Variants in SOCS4 observed in about 807,000 individuals in gnomAD.
The protein encoded by SOCS4 is SH2 domain containing SOCS box protein.
SOCS4 carries 20 observed loss-of-function variants against 34.1 expected under a neutral mutation model. The observed-to-expected ratio is 0.59, with a 90% CI of 0.41 to 0.85. The LOEUF is 0.85. Among genes scored for constraint, SOCS4 ranks in the 40% least tolerant of loss-of-function variants. SOCS4 has a pLI of 0.00. For missense variants in SOCS4, 479 were observed against 532.4 expected, an observed-to-expected ratio of 0.90 and a Z score of 0.99; for synonymous variants, 180 against 186.4, an observed-to-expected ratio of 0.97 and a Z score of 0.28.
At chr14:55,036,039 T>C (rs75495314) in intron 2 of SOCS4, among the ~76,000 whole-genome samples, 5,693 of 152,246 alleles carry the variant, frequency 0.037, 140 homozygotes, top group South Asian at 0.062. Context: ...ACTCAAACCA[T>C]GTTTCTAATG....
At chr14:55,036,296 A>G (rs1343108863) in intron 2 of SOCS4, among the ~76,000 whole-genome samples, 2 of 151,344 alleles carry the variant, frequency 1.3e-5, no homozygotes, top group Admixed American at 1.3e-4. Flanking sequence ...GTTGAGTGGG[A>G]TCTTTCAATA....
intron 2 of SOCS4, among the ~76,000 whole-genome samples, chr14:55,040,452 G>A (rs1051280815): frequency 1.3e-5 from 2 of 152,112 alleles, no homozygotes; most frequent in Non-Finnish European, 1.5e-5. Context: ...GCTATATAAA[G>A]AGTTATTATA....
intron 2 of SOCS4, among the ~76,000 whole-genome samples, chr14:55,037,598 A>G (rs575779247): frequency 6.6e-6 from 1 of 151,488 alleles, no homozygotes; most frequent in Non-Finnish European, 1.5e-5. Flanking sequence ...GATTCAAGCG[A>G]TTCTCCTGCC....
At chr14:55,040,040 G>A (rs1371922505) in intron 2 of SOCS4, among the ~76,000 whole-genome samples, 1 of 152,192 alleles carries the variant, frequency 6.6e-6, no homozygotes. Flanking sequence ...AAATAAAAGC[G>A]CCAAGCATTT....
chr14:55,034,677 A>C (rs1231511847), intron 2 of SOCS4, among the ~76,000 whole-genome samples: 1 of 151,996 alleles, frequency 6.6e-6, no homozygotes, highest in South Asian at 2.1e-4. Flanking sequence ...ACTAAAAAAA[A>C]CTACAAAAAT....
chr14:55,033,535 T>C (rs566112652), intron 2 of SOCS4, among the ~76,000 whole-genome samples: 1 of 152,338 alleles, frequency 6.6e-6, no homozygotes, highest in African/African-American at 2.4e-5. Flanking sequence ...TGTTAAGATG[T>C]TACCTATGCC....
chr14:55,042,771 G>A (rs928073602), intron 2 of SOCS4, among the ~76,000 whole-genome samples, 181 bp from the exon 3 acceptor site: 31 of 152,162 alleles, frequency 2.0e-4, no homozygotes, highest in Admixed American at 2.0e-4. Flanking sequence ...AAGTTATCAT[G>A]TATATTATAT....
intron 2 of SOCS4, among the ~76,000 whole-genome samples, chr14:55,042,501 A>G (rs781743248): frequency 6.6e-6 from 1 of 152,210 alleles, no homozygotes; most frequent in Non-Finnish European, 1.5e-5. Context: ...TAGGGAGAAG[A>G]AGGTGAAGGA....
rs999239238 is a variant in SOCS4, at chr14:55,046,715, A to T, written c.*2351A>T. 6.6e-5 allele frequency: 11 copies of T among 167,024 alleles called. No individual in the cohort carries two copies. Among genetic ancestry groups the T allele is most frequent in the African/African-American group, 2.4e-4 (10 of 41,458 alleles). 10.3% of individuals were successfully genotyped at this position (167,024 alleles called of 1,614,324 possible). On this transcript the variant is annotated 3_prime_UTR_variant, in exon 3 of 3. Coordinates refer to ENST00000555846, the MANE Select transcript of SOCS4 (RefSeq NM_199421.2). ...ATAAATGAGAGCAGGGAGGAGATTC[A>T]TTGACTCTGAAATGATTTTTATTTT...
rs762939202 is a variant in SOCS4, at chr14:55,043,765, A to G, written c.724A>G (p.Arg242Gly). Residue 242 changes from arginine to glycine, a missense_variant, in exon 3 of 3, where the codon AGA becomes GGA. Coordinates refer to ENST00000555846, the MANE Select transcript of SOCS4 (RefSeq NM_199421.2). ...DEILTLCTSS[R>G]KRNKPKWDLD... ...AATTCTAACACTTTGCACAAGTTCC[A>G]GAAAAAGAAACAAACCCAAATGGGA... 17 of 1,614,052 alleles carry G rather than the reference A, an allele frequency of 1.1e-5. No individual in the cohort carries two copies. The East Asian group carries it at 3.3e-4, about 32-fold the overall frequency.
chr14:55,046,604 TTTTTA>T lies in SOCS4; in HGVS notation c.*2245_*2249del, dbSNP rs2042678440. 6.0e-6 allele frequency: 1 copy of T among 167,138 alleles called. No individual in the cohort carries two copies. Among genetic ancestry groups the T allele is most frequent in the African/African-American group, 2.4e-5 (1 of 41,576 alleles). The allele number at this position is 167,138 out of a possible 1,614,324, so 10.4% of individuals were successfully genotyped here. ...TGCTTGTGATATGTTTTCTCTGGCT[TTTTTA>T]TTTTTTCAACTTCAAGGTATTAACA... On this transcript the variant is annotated 3_prime_UTR_variant, in exon 3 of 3. Transcript: ENST00000555846.
rs2042633019 is a variant in SOCS4 at position 55,043,012 on chromosome 14, A to G, written c.-30A>G. The G allele has an allele frequency of 1.9e-6, 3 of 1,564,216 alleles. No homozygotes were observed. Among genetic ancestry groups the G allele is most frequent in the Non-Finnish European group, 2.6e-6 (3 of 1,154,088 alleles). Reference sequence around the variant, plus strand: ...TGGAAAAAATGAAAAAGCAGTATTTATAACATTAGAATCTGGATAATTTGT... The same window carrying G: ...TGGAAAAAATGAAAAAGCAGTATTTGTAACATTAGAATCTGGATAATTTGT... On this transcript the variant is annotated 5_prime_UTR_variant, in exon 3 of 3. Transcript: ENST00000555846.
At position 55,027,405 on chromosome 14, in the gene SOCS4, C is replaced by G. The variant is rs939988531; in HGVS notation, c.-286C>G. ...CTCCCCTCTCCACTTAAGCAAGCGC[C>G]CAGACTGATGGCGATGGTGATGGCA... On this transcript the variant is annotated 5_prime_UTR_variant, in exon 1 of 3. Coordinates refer to ENST00000555846, the MANE Select transcript of SOCS4 (RefSeq NM_199421.2). 6.5e-6 allele frequency: 1 copy of G among 154,626 alleles called. No individual in the cohort carries two copies. The highest frequency in any genetic ancestry group is 1.4e-5 in the Non-Finnish European group (1 of 69,252). The allele number at this position is 154,626 out of a possible 1,614,324, so 9.6% of individuals were successfully genotyped here. A position where few individuals can be genotyped will look rare whatever the true frequency, so the allele number is the denominator to read the frequency against.
Position 55,044,457 on chromosome 14 carries a change from C to A in SOCS4, c.*93C>A. On this transcript the variant is annotated 3_prime_UTR_variant, in exon 3 of 3. Transcript: ENST00000555846. ...GCCACTTTGGATTTTTCTACAAAGGCAGTGGTGTCCAAAATAAAATCTCTG... is the reference window on the plus strand; with the variant it reads ...GCCACTTTGGATTTTTCTACAAAGGAAGTGGTGTCCAAAATAAAATCTCTG... 1 of 935,654 alleles carries A rather than the reference C, an allele frequency of 1.1e-6. No individual in the cohort carries two copies. 58.0% of individuals were successfully genotyped at this position (935,654 alleles called of 1,614,324 possible).
chr14:55,042,904 G>T, intron 2 of SOCS4, 48 bp from the exon 3 acceptor site: 1 of 728,756 alleles, frequency 1.4e-6, no homozygotes, highest in South Asian at 2.0e-5. Context: ...ATGTAAACTA[G>T]ACAAGGTAGA....
intron 1 of SOCS4, among the ~76,000 whole-genome samples, chr14:55,029,284 A>G (rs1250428061): frequency 6.6e-6 from 1 of 152,228 alleles, no homozygotes; most frequent in Non-Finnish European, 1.5e-5. Flanking sequence ...AAAAGAAATC[A>G]GTGTAGCTGT....
intron 2 of SOCS4, among the ~76,000 whole-genome samples, chr14:55,040,144 G>C (rs1346806171): frequency 2.0e-5 from 3 of 152,220 alleles, no homozygotes; most frequent in African/African-American, 7.2e-5. Flanking sequence ...AACAGCCAAA[G>C]CAGGCAGTTG....
At chr14:55,037,145 CAT>C in intron 2 of SOCS4, among the ~76,000 whole-genome samples, 1 of 130,950 alleles carries the variant, frequency 7.6e-6, no homozygotes, top group South Asian at 2.4e-4. Context: ...TTTTAGCAAT[CAT>C]ATTTTTTTTT....
At position 55,045,988 on chromosome 14, in the gene SOCS4, T is replaced by TA. The variant is rs1305669687; in HGVS notation, c.*1625dup. 17 of 166,830 alleles carry TA rather than the reference T, an allele frequency of 1.0e-4. No individual in the cohort carries two copies. Among genetic ancestry groups the TA allele is most frequent in the Admixed American group, 7.2e-4 (11 of 15,280 alleles). The allele number at this position is 166,830 out of a possible 1,614,324, so 10.3% of individuals were successfully genotyped here. On this transcript the variant is annotated 3_prime_UTR_variant, in exon 3 of 3. Coordinates refer to ENST00000555846, the MANE Select transcript of SOCS4 (RefSeq NM_199421.2). ...TTTAAAATAATTTTTTAGTAATTATTACAAAATTAAGGAAAATCTCTATTA... is the reference window on the plus strand; with the variant it reads ...TTTAAAATAATTTTTTAGTAATTATTAACAAAATTAAGGAAAATCTCTATTA...
Sources: gnomAD v4.1 joint callset for allele counts (sites outside exome capture counted in the v4.1 genomes callset) on GRCh38, gnomAD v4.1.1 for gene constraint, MANE v1.5 for transcripts, NCBI Gene and HGNC (gene_info 2026-07-23, HGNC 2026-07-21) for gene names.